SARAF: variants seen among roughly 807,000 people sequenced by gnomAD.
SARAF encodes the protein store-operated calcium entry-associated regulatory factor.
A neutral mutation model predicts 39.7 loss-of-function variants in SARAF; 23 were observed. The observed-to-expected ratio is 0.58, with a 90% confidence interval of 0.42 to 0.82. SARAF has a LOEUF of 0.82. SARAF is among the 40% of genes least tolerant of loss of function. SARAF has a pLI of 0.00. For synonymous variants in SARAF, 175 were observed against 168.5 expected, an observed-to-expected ratio of 1.04 and a Z score of -0.30; for missense variants, 384 against 418.5, an observed-to-expected ratio of 0.92 and a Z score of 0.72.
At chr8:30,066,726 A>G (rs1029010400) in intron 4 of SARAF, 51 bp downstream of exon 4, 1 of 1,579,152 alleles carries the variant, frequency 6.3e-7, no homozygotes, top group Admixed American at 1.7e-5. Flanking sequence ...ATTGTAAGCA[A>G]AACAAGCCTC....
At chr8:30,075,368 T>C (rs1385824472) in intron 1 of SARAF, among the ~76,000 whole-genome samples, 1 of 152,122 alleles carries the variant, frequency 6.6e-6, no homozygotes, top group Admixed American at 6.6e-5. Context: ...CTATTTATCA[T>C]GTTGTGGATT....
At position 30,069,698 on chromosome 8, in the gene SARAF, T is replaced by C; in HGVS notation, c.644A>G (p.Gln215Arg). The C allele has an allele frequency of 1.2e-6, 2 of 1,614,042 alleles. No homozygotes were observed. The highest frequency in any genetic ancestry group is 1.7e-5 in the Admixed American group (1 of 60,008). The part of the protein sequence containing the change: ...SEYPPFSHRY[Q>R]RFTNSAGPPP... ...AGGTCCTGCTGAGTTGGTGAATCTCTGGTAACGGTGGGAAAATGGAGGATA... is the reference window on the plus strand; with the variant it reads ...AGGTCCTGCTGAGTTGGTGAATCTCCGGTAACGGTGGGAAAATGGAGGATA... Residue 215 changes from glutamine (Q) to arginine (R), a missense_variant, in exon 3 of 6, where the codon CAG (glutamine) becomes CGG (arginine). By Grantham distance (43) the Gln-to-Arg change is conservative. Transcript: ENST00000256255.
intron 5 of SARAF, chr8:30,065,757 A>G: frequency 2.0e-6 from 1 of 501,486 alleles, no homozygotes; most frequent in Non-Finnish European, 3.6e-6. Flanking sequence ...AGCACCCAGT[A>G]AGGTTCAAGT....
chr8:30,074,144 A>G, intron 1 of SARAF, 89 bp from the exon 2 acceptor site: 1 of 1,436,538 alleles, frequency 7.0e-7, no homozygotes, highest in Non-Finnish European at 9.5e-7. Flanking sequence ...GTCATAGGAA[A>G]TGCCTTTCTT....
intron 2 of SARAF, among the ~76,000 whole-genome samples, chr8:30,070,367 T>C (rs1460268273): frequency 1.3e-5 from 2 of 151,998 alleles, no homozygotes; most frequent in East Asian, 1.9e-4. Context: ...GAGATCGTGA[T>C]TGCACTCTAG....
At chr8:30,073,386 G>A (rs1317258932) in intron 2 of SARAF, among the ~76,000 whole-genome samples, 1 of 152,170 alleles carries the variant, frequency 6.6e-6, no homozygotes, top group East Asian at 1.9e-4. Flanking sequence ...CGTCCCAAAG[G>A]CAATCAATGA....
intron 3 of SARAF, among the ~76,000 whole-genome samples, chr8:30,067,399 G>C (rs1801715448): frequency 1.3e-5 from 2 of 152,138 alleles, no homozygotes; most frequent in Non-Finnish European, 2.9e-5. Flanking sequence ...AGTTTTAACT[G>C]ATGTATACAT....
At chr8:30,068,352 A>G (rs1211091583) in intron 3 of SARAF, among the ~76,000 whole-genome samples, 1 of 152,196 alleles carries the variant, frequency 6.6e-6, no homozygotes, top group Non-Finnish European at 1.5e-5. Flanking sequence ...CATGCTCCTT[A>G]TGAGAATCTA....
intron 1 of SARAF, among the ~76,000 whole-genome samples, chr8:30,074,527 CTAGA>C (rs1388249473): frequency 6.6e-6 from 1 of 152,132 alleles, no homozygotes; most frequent in African/African-American, 2.4e-5. Context: ...ATGTATCAAA[CTAGA>C]TAGATGGCAA....
chr8:30,066,125 A>C lies in SARAF; in HGVS notation c.857T>G (p.Phe286Cys), dbSNP rs1563351007. 1 of 1,614,050 alleles carries C rather than the reference A, an allele frequency of 6.2e-7. No individual in the cohort carries two copies. Among genetic ancestry groups the C allele is most frequent in the East Asian group, 2.2e-5 (1 of 44,878 alleles). Residue 286 changes from phenylalanine to cysteine, a missense_variant, in exon 5 of 6, where the codon TTC becomes TGC. Phe to Cys is a radical substitution (Grantham distance 205). Coordinates refer to ENST00000256255, the MANE Select transcript of SARAF (RefSeq NM_016127.6). Reference sequence around the variant, plus strand: ...GGACGGGTAGTACCACGAGTCTGAGAAGGGTGTTGCCGCTCTTTAAAGGGA... The same window carrying C: ...GGACGGGTAGTACCACGAGTCTGAGCAGGGTGTTGCCGCTCTTTAAAGGGA... ...LFGSNRAATP[F>C]SDSWYYPSYP... is the part of the protein sequence containing the mutation.
At chr8:30,080,785 G>A (rs986018543) in intron 1 of SARAF, among the ~76,000 whole-genome samples, 4 of 152,156 alleles carry the variant, frequency 2.6e-5, no homozygotes, top group African/African-American at 4.8e-5. Context: ...TTAGGGAGCC[G>A]ATTAATGCTT....
At chr8:30,067,067 G>T in intron 3 of SARAF, 149 bp from the exon 4 acceptor site, 1 of 820,988 alleles carries the variant, frequency 1.2e-6, no homozygotes, top group South Asian at 1.8e-5. Context: ...ATTCAAAAAG[G>T]TATTTGTAAA....
chr8:30,081,723 T>G (rs964806732), intron 1 of SARAF, among the ~76,000 whole-genome samples: 5 of 71,870 alleles, frequency 7.0e-5, no homozygotes, highest in African/African-American at 2.7e-4. Flanking sequence ...AAAAATGATG[T>G]TGTTTTCATT....
chr8:30,064,320 C>T (rs1342809276), intron 5 of SARAF, among the ~76,000 whole-genome samples: 2 of 150,888 alleles, frequency 1.3e-5, no homozygotes, highest in Admixed American at 1.3e-4. Context: ...GATGCTTAAA[C>T]GTTACTTAAG....
upstream of SARAF, chr8:30,083,083 A>G: frequency 1.6e-6 from 1 of 625,566 alleles, no homozygotes; most frequent in Non-Finnish European, 2.7e-6. Context: ...GCAGAGCTGC[A>G]GCCGCAACGG....
rs869277681 is a variant in SARAF, at chr8:30,064,561, A to ATTTTTTTTTTTTTTT, written c.995-663_995-649dup. On this transcript the variant is annotated intron_variant, in intron 5 of 5. Transcript: ENST00000256255. ...TATATATATATATATATATATATAT[A>ATTTTTTTTTTTTTTT]TTTTTTTTTTTTTTTTTTGAGACAG... Among the ~76,000 whole-genome samples the ATTTTTTTTTTTTTTT allele has an allele frequency of 2.2e-4, 10 of 46,232 alleles. 1 individual carries two copies. Among genetic ancestry groups the ATTTTTTTTTTTTTTT allele is most frequent in the Admixed American group, 3.5e-4 (1 of 2,866 alleles). The allele number at this position is 46,232 out of a possible 152,430, so 30.3% of individuals were successfully genotyped here.
intron 1 of SARAF, among the ~76,000 whole-genome samples, chr8:30,075,546 A>G (rs1188078942): frequency 2.0e-5 from 3 of 152,122 alleles, no homozygotes; most frequent in African/African-American, 7.2e-5. Context: ...TGGAAAGCAG[A>G]CCCTAGACTT....
chr8:30,073,272 T>C (rs567583156), intron 2 of SARAF, among the ~76,000 whole-genome samples: 136 of 152,330 alleles, frequency 8.9e-4, no homozygotes, highest in African/African-American at 3.2e-3. Context: ...AGTAGAAATA[T>C]GTAACTAGTG....
intron 1 of SARAF, among the ~76,000 whole-genome samples, chr8:30,079,052 G>A (rs1414488396): frequency 6.6e-6 from 1 of 151,620 alleles, no homozygotes; most frequent in Admixed American, 6.6e-5. Flanking sequence ...AGCTACTTGG[G>A]AGGCTGAGGC....
Sources: gnomAD v4.1 joint callset for allele counts (sites outside exome capture counted in the v4.1 genomes callset) on GRCh38, gnomAD v4.1.1 for gene constraint, MANE v1.5 for transcripts, NCBI Gene and HGNC (gene_info 2026-07-23, HGNC 2026-07-21) for gene names.